Variants in TSHZ2 observed in about 807,000 individuals in gnomAD.
The protein encoded by TSHZ2 is teashirt homolog 2.
Under a neutral mutation model 74.4 loss-of-function variants are expected in TSHZ2, and 21 were observed. The observed-to-expected ratio is 0.28, with a 90% CI of 0.20 to 0.41. TSHZ2 has a LOEUF of 0.41. TSHZ2 is among the 10% of genes least tolerant of loss of function. The pLI, the probability that TSHZ2 is intolerant of heterozygous loss-of-function variation, is 1.00. For synonymous variants in TSHZ2, 540 were observed against 515.3 expected (o/e 1.05, Z -0.65); for missense variants, 1,244 against 1,293.5 (o/e 0.96, Z 0.59).
chr20:53,393,071 C>T (rs1245754746), intron 2 of TSHZ2, among the ~76,000 whole-genome samples: 1 of 152,154 alleles, frequency 6.6e-6, no homozygotes, highest in Non-Finnish European at 1.5e-5. Flanking sequence ...CTCAAGTGAT[C>T]CACCCACCTC....
At chr20:53,434,884 C>T (rs777958768) in intron 2 of TSHZ2, among the ~76,000 whole-genome samples, 2 of 152,210 alleles carry the variant, frequency 1.3e-5, no homozygotes, top group Non-Finnish European at 2.9e-5. Context: ...CGTGTGCTGA[C>T]GGGCCTCAGC....
intron 1 of TSHZ2, among the ~76,000 whole-genome samples, chr20:53,243,186 T>C (rs1483971958): frequency 6.6e-6 from 1 of 152,042 alleles, no homozygotes; most frequent in Non-Finnish European, 1.5e-5. Flanking sequence ...GAATCTTTTA[T>C]ACATAGGGAA....
intron 1 of TSHZ2, among the ~76,000 whole-genome samples, chr20:53,075,111 A>G (rs1985324949): frequency 6.6e-6 from 1 of 152,254 alleles, no homozygotes; most frequent in African/African-American, 2.4e-5. Flanking sequence ...GGCTGTCATC[A>G]CCAAAAGATT....
intron 1 of TSHZ2, among the ~76,000 whole-genome samples, chr20:53,230,615 G>T (rs79619298): frequency 6.6e-6 from 1 of 152,142 alleles, no homozygotes; most frequent in Non-Finnish European, 1.5e-5. Flanking sequence ...AATCATTGCC[G>T]GGCATGGTGG....
chr20:53,127,246 T>C (rs1226138259), intron 1 of TSHZ2, among the ~76,000 whole-genome samples: 1 of 152,214 alleles, frequency 6.6e-6, no homozygotes, highest in African/African-American at 2.4e-5. Context: ...ACTAAAAATA[T>C]ATTCAATGAG....
chr20:53,407,499 T>C (rs553602479), intron 2 of TSHZ2, among the ~76,000 whole-genome samples: 13 of 152,322 alleles, frequency 8.5e-5, no homozygotes, highest in South Asian at 4.1e-4. Context: ...TCCCCACTTA[T>C]TGAGCCCAGA....
At chr20:53,417,735 C>CT (rs1343334442) in intron 2 of TSHZ2, among the ~76,000 whole-genome samples, 3 of 152,066 alleles carry the variant, frequency 2.0e-5, no homozygotes, top group Non-Finnish European at 2.9e-5. Context: ...ATTTGCTTCT[C>CT]TTTTTTTTCT....
intron 1 of TSHZ2, among the ~76,000 whole-genome samples, chr20:52,984,795 G>A (rs749602139): frequency 1.3e-5 from 2 of 152,178 alleles, no homozygotes; most frequent in Non-Finnish European, 2.9e-5. Context: ...GGACCAGATG[G>A]ATGGCGGAAG....
chr20:53,423,086 C>T (rs1251590472), intron 2 of TSHZ2, among the ~76,000 whole-genome samples: 5 of 152,188 alleles, frequency 3.3e-5, no homozygotes, highest in Non-Finnish European at 5.9e-5. Context: ...AACACCTACA[C>T]TGTCTCCTGG....
At chr20:53,031,870 CA>C (rs1983650885) in intron 1 of TSHZ2, among the ~76,000 whole-genome samples, 1 of 148,878 alleles carries the variant, frequency 6.7e-6, no homozygotes, top group Non-Finnish European at 1.5e-5. Context: ...TGTGGAAAGG[CA>C]AGTAATCCAT....
At chr20:53,421,128 A>G (rs1274952605) in intron 2 of TSHZ2, 1 of 152,346 alleles carries the variant, frequency 6.6e-6, no homozygotes, top group Non-Finnish European at 1.5e-5. Context: ...ACACTGAGCT[A>G]GATTTGGCTG....
At chr20:53,308,069 T>A (rs891981321) in intron 2 of TSHZ2, among the ~76,000 whole-genome samples, 1 of 152,190 alleles carries the variant, frequency 6.6e-6, no homozygotes, top group Non-Finnish European at 1.5e-5. Context: ...ATAGTGAACA[T>A]CTTGAAGGCA....
At position 53,493,093 on chromosome 20, in the gene TSHZ2, T is replaced by C. The variant is rs1986489753; in HGVS notation, c.*5958T>C. On this transcript the variant is annotated 3_prime_UTR_variant, in exon 3 of 3. Transcript: ENST00000371497. Reference sequence around the variant, plus strand: ...GCTGGGAGCGTAAGCCTTCCGTGCATTTTTATAGTGTACATATTTGTATAT... The same window carrying C: ...GCTGGGAGCGTAAGCCTTCCGTGCACTTTTATAGTGTACATATTTGTATAT... The C allele has an allele frequency of 6.6e-6, 1 of 152,204 alleles. No homozygotes were observed. Among genetic ancestry groups the C allele is most frequent in the Non-Finnish European group, 1.5e-5 (1 of 68,036 alleles). 9.4% of individuals were successfully genotyped at this position (152,204 alleles called of 1,614,324 possible). A position where few individuals can be genotyped will look rare whatever the true frequency, so the allele number is the denominator to read the frequency against.
At chr20:53,080,142 C>T (rs540087495) in intron 1 of TSHZ2, among the ~76,000 whole-genome samples, 93 of 152,272 alleles carry the variant, frequency 6.1e-4, no homozygotes, top group African/African-American at 2.2e-3. Context: ...TGGTACCAGA[C>T]GCATAGAGAG....
chr20:53,463,435 G>GA (rs11283137), intron 2 of TSHZ2, among the ~76,000 whole-genome samples: 88 of 114,282 alleles, frequency 7.7e-4, no homozygotes, highest in South Asian at 1.7e-3. Context: ...AGGAAGGAAG[G>GA]AGGGAGGGAG....
intron 2 of TSHZ2, among the ~76,000 whole-genome samples, chr20:53,447,558 C>G (rs1204228226): frequency 2.0e-5 from 3 of 152,252 alleles, no homozygotes; most frequent in Non-Finnish European, 2.9e-5. Flanking sequence ...TTTATCCAAA[C>G]GTCCTTACGC....
chr20:53,366,823 G>T (rs1981279459), intron 2 of TSHZ2, among the ~76,000 whole-genome samples: 1 of 152,132 alleles, frequency 6.6e-6, no homozygotes, highest in Non-Finnish European at 1.5e-5. Flanking sequence ...CAGTAATAAT[G>T]ATAGATATCA....
intron 2 of TSHZ2, among the ~76,000 whole-genome samples, chr20:53,328,096 G>C (rs1979570769): frequency 1.3e-5 from 2 of 152,142 alleles, no homozygotes; most frequent in Admixed American, 6.5e-5. Context: ...TATACATTGA[G>C]GGACGATAAA....
intron 2 of TSHZ2, among the ~76,000 whole-genome samples, chr20:53,334,863 T>C (rs1729142613): frequency 6.6e-6 from 1 of 152,052 alleles, no homozygotes. Flanking sequence ...TTTGTATTTT[T>C]AGTAGAGACT....
Sources: gnomAD v4.1 joint callset for allele counts (sites outside exome capture counted in the v4.1 genomes callset) on GRCh38, gnomAD v4.1.1 for gene constraint, MANE v1.5 for transcripts, NCBI Gene and HGNC (gene_info 2026-07-23, HGNC 2026-07-21) for gene names.